FAAH2: variants seen among roughly 807,000 people sequenced by gnomAD.
FAAH2 encodes fatty-acid amide hydrolase 2.
Under a neutral mutation model 36.9 loss-of-function variants are expected in FAAH2, and 60 were observed. The observed-to-expected ratio is 1.63, with a 90% CI of 1.32 to 2.02. The LOEUF (loss-of-function observed/expected upper bound fraction) is 2.02. Among genes scored for constraint, FAAH2 ranks in the 30% most tolerant of loss-of-function variants. The pLI is 0.00. For synonymous variants in FAAH2, 214 were observed against 143.8 expected, an observed-to-expected ratio of 1.49 and a Z score of -3.49; for missense variants, 689 against 397.5, an observed-to-expected ratio of 1.73 and a Z score of -6.23.
At chrX:57,393,009 T>C in intron 7 of FAAH2, 1 of 893,014 alleles carries the variant, frequency 1.1e-6, no homozygotes, top group South Asian at 2.0e-5. Flanking sequence ...ATAAAGGAGT[T>C]GGAAGCTGCT....
intron 8 of FAAH2, among the ~76,000 whole-genome samples, chrX:57,434,308 C>A (rs1483320775): frequency 2.8e-5 from 3 of 109,036 alleles, no homozygotes; most frequent in Admixed American, 1.0e-4. Context: ...AACTCCTGAC[C>A]TCAGGTGATC....
chrX:57,142,678 G>T, the FAAH2 span, among the ~76,000 whole-genome samples: 1 of 111,418 alleles, frequency 9.0e-6, no homozygotes, highest in Non-Finnish European at 1.9e-5. Context: ...TTGTCTAGAT[G>T]ATCTTTACCA....
intron 5 of FAAH2, among the ~76,000 whole-genome samples, chrX:57,347,623 T>G (rs2053860580): frequency 1.7e-5 from 1 of 57,272 alleles, no homozygotes; most frequent in Admixed American, 2.0e-4. Flanking sequence ...TTTTTTTTTT[T>G]TTTTTTTTTT....
At chrX:57,394,577 C>T (rs1252980382) in intron 7 of FAAH2, 48 of 1,199,237 alleles carry the variant, frequency 4.0e-5, no homozygotes, top group Non-Finnish European at 5.1e-5. Flanking sequence ...ACGCTTGGCA[C>T]TCTCTACAGT....
chrX:57,257,216 C>A, the FAAH2 span, among the ~76,000 whole-genome samples: 1 of 111,869 alleles, frequency 8.9e-6, no homozygotes, highest in Non-Finnish European at 1.9e-5. Flanking sequence ...AATTATAAAT[C>A]ATTTTATGAT....
chrX:57,393,627 C>T (rs2055220713), intron 7 of FAAH2: 4 of 919,558 alleles, frequency 4.3e-6, no homozygotes, highest in African/African-American at 3.9e-5. Context: ...GCACCACTCA[C>T]CCCCAGATCT....
intron 7 of FAAH2, among the ~76,000 whole-genome samples, chrX:57,416,971 A>G (rs1240033583): frequency 1.8e-5 from 2 of 110,406 alleles, no homozygotes; most frequent in African/African-American, 3.3e-5. Context: ...GCTTTATTTT[A>G]TTAAGTTAAT....
chrX:57,170,858 C>T, the FAAH2 span, among the ~76,000 whole-genome samples: 1 of 106,350 alleles, frequency 9.4e-6, no homozygotes, highest in Non-Finnish European at 1.9e-5. Flanking sequence ...GCGCTCGCCA[C>T]CATGACCAGC....
At chrX:57,348,255 C>A (rs1202146292) in intron 5 of FAAH2, among the ~76,000 whole-genome samples, 1 of 110,496 alleles carries the variant, frequency 9.1e-6, no homozygotes, top group East Asian at 2.9e-4. Flanking sequence ...AAACACCCTG[C>A]AACTACCACG....
the FAAH2 span, among the ~76,000 whole-genome samples, chrX:57,149,757 G>C: frequency 1.8e-5 from 2 of 109,666 alleles, no homozygotes; most frequent in East Asian, 5.7e-4. Context: ...GTCTCTATTT[G>C]CTTCAGTTCT....
intron 7 of FAAH2, among the ~76,000 whole-genome samples, chrX:57,400,529 G>T (rs763522063): frequency 4.5e-5 from 5 of 112,283 alleles, no homozygotes; most frequent in African/African-American, 1.6e-4. Context: ...TCTGCTTCAG[G>T]TGTCCATCTT....
At chrX:57,161,026 T>C in the FAAH2 span, among the ~76,000 whole-genome samples, 2 of 112,205 alleles carry the variant, frequency 1.8e-5, no homozygotes, top group African/African-American at 6.5e-5. Flanking sequence ...TACACACTGC[T>C]TTGAATGTGT....
At chrX:57,191,943 T>G in the FAAH2 span, among the ~76,000 whole-genome samples, 2 of 111,878 alleles carry the variant, frequency 1.8e-5, no homozygotes, top group East Asian at 5.6e-4. Flanking sequence ...TTGCTTAGGA[T>G]AGGCTATTCT....
intron 10 of FAAH2, among the ~76,000 whole-genome samples, chrX:57,486,465 G>T (rs917594093): frequency 9.0e-6 from 1 of 111,696 alleles, no homozygotes; most frequent in Non-Finnish European, 1.9e-5. Context: ...ATGCACTATG[G>T]TTCCTGCAGG....
intron 3 of FAAH2, among the ~76,000 whole-genome samples, chrX:57,328,506 C>A (rs2053292816): frequency 9.0e-6 from 1 of 111,114 alleles, no homozygotes; most frequent in African/African-American, 3.3e-5. Flanking sequence ...TTAATATTTT[C>A]CAGGATCTCA....
chrX:57,344,473 A>C (rs1288119723), intron 5 of FAAH2, among the ~76,000 whole-genome samples: 1 of 111,644 alleles, frequency 9.0e-6, no homozygotes, highest in Non-Finnish European at 1.9e-5. Context: ...AACTTTACTA[A>C]AGTCATTTAT....
At chrX:57,371,930 T>C (rs1310204526) in intron 5 of FAAH2, among the ~76,000 whole-genome samples, 1 of 112,103 alleles carries the variant, frequency 8.9e-6, no homozygotes, top group Non-Finnish European at 1.9e-5. Flanking sequence ...ATTAATCCAC[T>C]TAGAATAATG....
At chrX:57,214,190 T>G in the FAAH2 span, among the ~76,000 whole-genome samples, 45 of 112,295 alleles carry the variant, frequency 4.0e-4, no homozygotes, top group African/African-American at 1.4e-3. Context: ...GTCTGTTTCT[T>G]TAGCAGTAGG....
the FAAH2 span, among the ~76,000 whole-genome samples, chrX:57,271,044 C>T: frequency 8.9e-6 from 1 of 112,379 alleles, no homozygotes; most frequent in South Asian, 3.7e-4. Context: ...TTGGTGAGTC[C>T]CATCCACATG....
Sources: gnomAD v4.1 joint callset for allele counts (sites outside exome capture counted in the v4.1 genomes callset) on GRCh38, gnomAD v4.1.1 for gene constraint, MANE v1.5 for transcripts, NCBI Gene and HGNC (gene_info 2026-07-23, HGNC 2026-07-21) for gene names.